The following ZFHX4 variants were observed in gnomAD, a reference collection of about 807,000 sequenced individuals.
The protein encoded by ZFHX4 is zinc finger homeobox 4, also known as zinc finger homeobox protein 4.
ZFHX4 carries 56 observed loss-of-function variants against 267.6 expected under a neutral mutation model. The observed-to-expected ratio is 0.21, with a 90% CI of 0.17 to 0.26. The LOEUF (loss-of-function observed/expected upper bound fraction) is 0.26, where lower values mean the gene tolerates loss of function less well. ZFHX4 is among the 10% of genes least tolerant of loss of function. The pLI, the probability that ZFHX4 is intolerant of heterozygous loss-of-function variation, is 1.00. For synonymous variants in ZFHX4, 1,778 were observed against 1,665.6 expected (o/e 1.07, Z -1.64); for missense variants, 4,332 against 4,420.0 (o/e 0.98, Z 0.56).
intron 3 of ZFHX4, among the ~76,000 whole-genome samples, chr8:76,724,264 T>C (rs1194751484): frequency 6.6e-6 from 1 of 152,014 alleles, no homozygotes; most frequent in East Asian, 1.9e-4. Flanking sequence ...CAAGAGAAGA[T>C]GGTGAACATG....
At chr8:76,744,372 A>G (rs1418978277) in intron 3 of ZFHX4, among the ~76,000 whole-genome samples, 3 of 151,950 alleles carry the variant, frequency 2.0e-5, no homozygotes, top group East Asian at 1.9e-4. Flanking sequence ...ATAAAATACA[A>G]TGATGGTAAC....
Position 76,704,425 on chromosome 8 carries a change from G to A in ZFHX4, c.337G>A (p.Glu113Lys), listed in dbSNP as rs113917559. The A allele has an allele frequency of 6.2e-7, 1 of 1,613,970 alleles. No individual in the cohort carries two copies. Residue 113 changes from glutamate to lysine, a missense_variant, in exon 2 of 11, where the codon GAG becomes AAG. Coordinates refer to ENST00000651372, the MANE Select transcript of ZFHX4 (RefSeq NM_024721.5). ...ARLPVLKDDN[E>K]SEISELEDSD... Reference sequence around the variant, plus strand: ...CCTTCCTGTCCTGAAGGATGACAACGAGAGCGAGATCAGCGAGTTAGAGGA... The same window carrying A: ...CCTTCCTGTCCTGAAGGATGACAACAAGAGCGAGATCAGCGAGTTAGAGGA...
In ZFHX4 at chr8:76,747,371, T is replaced by C. The variant is rs144216213; in HGVS notation, c.3094-30837T>C. Among the ~76,000 whole-genome samples the C allele has an allele frequency of 2.7e-3, 415 of 152,262 alleles. 2 individuals are homozygous for C. Among genetic ancestry groups the C allele is most frequent in the African/African-American group, 9.5e-3 (395 of 41,546 alleles). ...GTTCGGAGTACAAATGATGTCACCA[T>C]CCAGGTAGTGAGCATGGTAACCAAT... On this transcript the variant is annotated intron_variant, in intron 3 of 10. Transcript: ENST00000651372.
chr8:76,685,240 C>T (rs1807662293), intron 1 of ZFHX4, among the ~76,000 whole-genome samples: 1 of 152,200 alleles, frequency 6.6e-6, no homozygotes, highest in Admixed American at 6.5e-5. Flanking sequence ...GTCATTTCCA[C>T]GAAGCCAAAT....
intron 5 of ZFHX4, among the ~76,000 whole-genome samples, chr8:76,841,091 T>C (rs1286929072): frequency 6.6e-6 from 1 of 152,236 alleles, no homozygotes; most frequent in East Asian, 1.9e-4. Context: ...CCTCTGCTTT[T>C]GTGCAGAGGC....
chr8:76,793,303 A>G (rs564069250), intron 4 of ZFHX4, among the ~76,000 whole-genome samples: 40 of 148,822 alleles, frequency 2.7e-4, no homozygotes, highest in African/African-American at 9.4e-4. Flanking sequence ...AGGCGTTCTC[A>G]AATATATGTA....
chr8:76,769,662 TAA>T (rs1810208189), intron 3 of ZFHX4, among the ~76,000 whole-genome samples: 1 of 152,200 alleles, frequency 6.6e-6, no homozygotes, highest in Non-Finnish European at 1.5e-5. Context: ...TAGAATTTGA[TAA>T]GTTTTCTATT....
At chr8:76,752,506 A>G (rs1021876929) in intron 3 of ZFHX4, among the ~76,000 whole-genome samples, 4 of 150,552 alleles carry the variant, frequency 2.7e-5, no homozygotes, top group East Asian at 1.9e-4. Flanking sequence ...AAAAAAAAAA[A>G]AAAGAAAAAA....
At chr8:76,786,171 A>C (rs139930301) in intron 4 of ZFHX4, among the ~76,000 whole-genome samples, 28 of 152,228 alleles carry the variant, frequency 1.8e-4, no homozygotes, top group African/African-American at 6.0e-4. Flanking sequence ...TGTTTTAACT[A>C]TTCTAGAAAT....
At chr8:76,746,801 AG>A (rs1280346759) in intron 3 of ZFHX4, among the ~76,000 whole-genome samples, 1 of 152,200 alleles carries the variant, frequency 6.6e-6, no homozygotes, top group African/African-American at 2.4e-5. Flanking sequence ...CCATTGTAAA[AG>A]AAATAGGCAA....
intron 5 of ZFHX4, among the ~76,000 whole-genome samples, chr8:76,838,524 G>C (rs1219730988): frequency 6.6e-6 from 1 of 152,142 alleles, no homozygotes; most frequent in Non-Finnish European, 1.5e-5. Flanking sequence ...TAGATCATTA[G>C]GAGGATAGAT....
intron 4 of ZFHX4, chr8:76,782,145 T>A: frequency 4.9e-6 from 2 of 408,700 alleles, no homozygotes; most frequent in Non-Finnish European, 9.7e-6. Context: ...TCTTCTAGCA[T>A]CTTCTTGCCA....
At chr8:76,709,294 C>T (rs1054538960) in intron 3 of ZFHX4, among the ~76,000 whole-genome samples, 1 of 152,156 alleles carries the variant, frequency 6.6e-6, no homozygotes. Flanking sequence ...GATATTGGCA[C>T]TCTGTGGATC....
intron 10 of ZFHX4, among the ~76,000 whole-genome samples, chr8:76,859,235 A>G (rs1279653755): frequency 1.3e-5 from 2 of 152,188 alleles, no homozygotes; most frequent in Non-Finnish European, 2.9e-5. Flanking sequence ...ATTACTAAGA[A>G]GGCCCTTTCA....
At chr8:76,701,110 A>G (rs929319297) in intron 1 of ZFHX4, among the ~76,000 whole-genome samples, 1 of 152,184 alleles carries the variant, frequency 6.6e-6, no homozygotes, top group Non-Finnish European at 1.5e-5. Context: ...GTCACTGTAT[A>G]TAAGGATCTA....
intron 4 of ZFHX4, among the ~76,000 whole-genome samples, chr8:76,806,754 C>T (rs1811255560): frequency 6.6e-6 from 1 of 152,034 alleles, no homozygotes; most frequent in Non-Finnish European, 1.5e-5. Flanking sequence ...AATTTAGGTA[C>T]TGGGATAAAA....
At chr8:76,825,765 C>T (rs1332991021) in intron 4 of ZFHX4, among the ~76,000 whole-genome samples, 1 of 152,088 alleles carries the variant, frequency 6.6e-6, no homozygotes, top group Non-Finnish European at 1.5e-5. Flanking sequence ...ATTAGAGAGT[C>T]AAGAAAGCAT....
chr8:76,853,875 T>A lies in ZFHX4; in HGVS notation c.6954T>A (p.Asn2318Lys), dbSNP rs746304588. The A allele has an allele frequency of 1.2e-6, 2 of 1,613,862 alleles. No individual in the cohort carries two copies. Among genetic ancestry groups the A allele is most frequent in the Non-Finnish European group, 1.7e-6 (2 of 1,179,854 alleles). Reference sequence around the variant, plus strand: ...TGCAGTACCAGTGTAAAAAGTGCAATGTGGTTTTCCCCAGGATCTTTGACT... The same window carrying A: ...TGCAGTACCAGTGTAAAAAGTGCAAAGTGGTTTTCCCCAGGATCTTTGACT... ...SNMQYQCKKC[N>K]VVFPRIFDLI... Residue 2318 changes from asparagine (N) to lysine (K), a missense_variant, in exon 10 of 11, where the codon AAT becomes AAA. Asn to Lys is a moderately conservative substitution (Grantham distance 94). Around this residue, in one of 7 missense-constraint regions of ZFHX4, gnomAD observed 1,648 missense variants for 1,625.0 expected, o/e 1.01. Transcript: ENST00000651372.
intron 3 of ZFHX4, among the ~76,000 whole-genome samples, chr8:76,773,534 T>A (rs1810323522): frequency 6.6e-6 from 1 of 152,024 alleles, no homozygotes; most frequent in Admixed American, 6.6e-5. Flanking sequence ...AAAAACAGAG[T>A]CCCCATCCTC....
Sources: allele counts gnomAD v4.1 joint callset (sites outside exome capture counted in the v4.1 genomes callset), GRCh38; gene constraint gnomAD v4.1.1; regional missense constraint gnomAD v4.1.1; transcripts MANE v1.5; gene names NCBI Gene and HGNC (gene_info 2026-07-23, HGNC 2026-07-21).